SURF6: variants seen among roughly 807,000 people sequenced by gnomAD.
SURF6 encodes surfeit 6, also known as surfeit locus protein 6.
SURF6 carries 28 observed loss-of-function variants against 37.5 expected under a neutral mutation model. The observed-to-expected ratio is 0.75, with a 90% CI of 0.55 to 1.02. SURF6 has a LOEUF of 1.02. Among genes scored for constraint, SURF6 ranks in the 50% least tolerant of loss-of-function variants. The pLI is 0.00. For missense variants in SURF6, 560 were observed against 490.5 expected (o/e 1.14, Z -1.34); for synonymous variants, 248 against 210.9 (o/e 1.18, Z -1.52).
intron 2 of SURF6, 147 bp downstream of exon 2, chr9:133,334,245 C>T: frequency 1.4e-6 from 1 of 723,108 alleles, no homozygotes; most frequent in Non-Finnish European, 2.2e-6. Context: ...CACCCTAGCA[C>T]TCCTGTGATC....
chr9:133,334,689 A>C, intron 1 of SURF6, 88 bp from the exon 2 acceptor site: 1 of 1,466,572 alleles, frequency 6.8e-7, no homozygotes, highest in Non-Finnish European at 9.2e-7. Flanking sequence ...TGATCCCAGG[A>C]AGATGCCGAA....
In SURF6 at chr9:133,336,147, C is replaced by G. The variant is rs2129934671; in HGVS notation, c.-15G>C. ...AGAGAGGCCATGGCGGAGACCCGGGCCGTTCACGACTCACACCTTCCCCGC... is the reference window on the plus strand; with the variant it reads ...AGAGAGGCCATGGCGGAGACCCGGGGCGTTCACGACTCACACCTTCCCCGC... On this transcript the variant is annotated 5_prime_UTR_variant, in exon 1 of 5. Transcript: ENST00000372022. 1.2e-6 allele frequency: 2 copies of G among 1,606,000 alleles called. No homozygotes were observed. The highest frequency in any genetic ancestry group is 1.7e-5 in the Admixed American group (1 of 59,892).
Position 133,328,991 on chromosome 9 carries a change from G to C in SURF6, c.*2878C>G, listed in dbSNP as rs2119035728. The stretch of plus-strand genomic sequence containing the variant: ...AGACCGGTAGTGGCCCCGAATGTCT[G>C]GCTGCATTGTTATTTATTGGATACA... On this transcript the variant is annotated 3_prime_UTR_variant, in exon 5 of 5. Coordinates refer to ENST00000372022, the MANE Select transcript of SURF6 (RefSeq NM_006753.6). The C allele has an allele frequency of 6.5e-6, 1 of 154,648 alleles. No homozygotes were observed. The highest frequency in any genetic ancestry group is 6.5e-5 in the Admixed American group (1 of 15,308). The allele number at this position is 154,648 out of a possible 1,614,324, so 9.6% of individuals were successfully genotyped here. A position where few individuals can be genotyped will look rare whatever the true frequency, so the allele number is the denominator to read the frequency against.
rs2129918949 is a variant in SURF6, at chr9:133,332,549, T to G, written c.605A>C (p.Lys202Thr). ...CCCAAGGACCCAGCTCCCGCTCACC[T>G]TATTGAAGATCAGCCCGGGCGGCTC... ...PREPPGLIFN[K>T]VEVSEDEPAS... The change falls in exon 4 of 5, where the codon AAG becomes ACG. Residue 202 changes from lysine to threonine, a missense_variant and splice_region_variant. Coordinates refer to ENST00000372022, the MANE Select transcript of SURF6 (RefSeq NM_006753.6). The G allele has an allele frequency of 1.9e-6, 3 of 1,608,396 alleles. No homozygotes were observed. Among genetic ancestry groups the G allele is most frequent in the Admixed American group, 1.7e-5 (1 of 59,976 alleles).
chr9:133,334,696 CGAAAGAG>C, intron 1 of SURF6, 95 bp from the exon 2 acceptor site: 36 of 1,447,176 alleles, frequency 2.5e-5, no homozygotes, highest in Non-Finnish European at 3.2e-5. Flanking sequence ...AGGAAGATGC[CGAAAGAG>C]GATCAGGATC....
At chr9:133,335,763 C>T (rs1243445980) in intron 1 of SURF6, among the ~76,000 whole-genome samples, 1 of 151,626 alleles carries the variant, frequency 6.6e-6, no homozygotes, top group African/African-American at 2.4e-5. Flanking sequence ...GTAGTGCCGG[C>T]TACTCGGGAG....
At chr9:133,335,983 C>A (rs891014023) in intron 1 of SURF6, 56 bp downstream of exon 1, 1 of 1,489,414 alleles carries the variant, frequency 6.7e-7, no homozygotes, top group Non-Finnish European at 9.2e-7. Context: ...ACACCGGCTC[C>A]GGCCGCGTCC....
rs1030390648 is a variant in SURF6, at chr9:133,330,196, G to C, written c.*1673C>G. On this transcript the variant is annotated 3_prime_UTR_variant, in exon 5 of 5. Transcript: ENST00000372022. ...TTATCTGTAGATGCACATACATTTA[G>C]GGGCTATGTTTTTTTGTGCTGCTTT... 6.6e-6 allele frequency: 1 copy of C among 152,134 alleles called. No individual in the cohort carries two copies. The highest frequency in any genetic ancestry group is 6.5e-5 in the Admixed American group (1 of 15,276). 9.4% of individuals were successfully genotyped at this position (152,134 alleles called of 1,614,324 possible).
chr9:133,335,650 AGGGACTGAAAG>A (rs1260148214), intron 1 of SURF6, among the ~76,000 whole-genome samples: 2 of 151,560 alleles, frequency 1.3e-5, no homozygotes, highest in African/African-American at 4.9e-5. Flanking sequence ...CCCGTAGTGA[AGGGACTGAAAG>A]GGTCTTTTCC....
Position 133,332,593 on chromosome 9 carries a change from C to G in SURF6, c.561G>C (p.Gly187=). 1 of 1,610,084 alleles carries G rather than the reference C, an allele frequency of 6.2e-7. No homozygotes were observed. The highest frequency in any genetic ancestry group is 2.2e-5 in the East Asian group (1 of 44,872). The part of the protein sequence containing the change: ...AQEVVEATPE[G]ACTEPREPPG... ...GCGGCTCCCGCGGCTCCGTGCAGGCCCCCTCTGGGGTTGCCTCCACCACCT... is the reference window on the plus strand; with the variant it reads ...GCGGCTCCCGCGGCTCCGTGCAGGCGCCCTCTGGGGTTGCCTCCACCACCT... The change falls in exon 4 of 5, where the codon GGG becomes GGC. Residue 187 remains glycine (G), a synonymous_variant. Coordinates refer to ENST00000372022, the MANE Select transcript of SURF6 (RefSeq NM_006753.6).
Position 133,330,565 on chromosome 9 carries a change from A to C in SURF6, c.*1304T>G, listed in dbSNP as rs1230671894. 1 of 152,156 alleles carries C rather than the reference A, an allele frequency of 6.6e-6. No individual in the cohort carries two copies. Among genetic ancestry groups the C allele is most frequent in the Non-Finnish European group, 1.5e-5 (1 of 68,034 alleles). 9.4% of individuals were successfully genotyped at this position (152,156 alleles called of 1,614,324 possible). ...AATTTTAATACGTAGCATTTTCATT[A>C]TCCTTTAGTCCCAAATATTTCTAAT... On this transcript the variant is annotated 3_prime_UTR_variant, in exon 5 of 5. Transcript: ENST00000372022.
chr9:133,335,907 T>C (rs1835863555), intron 1 of SURF6, 132 bp downstream of exon 1: 2 of 729,738 alleles, frequency 2.7e-6, no homozygotes, highest in South Asian at 2.1e-5. Flanking sequence ...AAAAAACAAA[T>C]AAGGGAAACG....
At position 133,329,002 on chromosome 9, in the gene SURF6, T is replaced by A. The variant is rs1835653613; in HGVS notation, c.*2867A>T. The A allele has an allele frequency of 6.5e-6, 1 of 154,742 alleles. No homozygotes were observed. Among genetic ancestry groups the A allele is most frequent in the Admixed American group, 6.5e-5 (1 of 15,306 alleles). The allele number at this position is 154,742 out of a possible 1,614,324, so 9.6% of individuals were successfully genotyped here. On this transcript the variant is annotated 3_prime_UTR_variant, in exon 5 of 5. Coordinates refer to ENST00000372022, the MANE Select transcript of SURF6 (RefSeq NM_006753.6). ...GGCCCCGAATGTCTGGCTGCATTGT[T>A]ATTTATTGGATACAAAGCAAAAGGG...
In SURF6 at chr9:133,332,052, C is replaced by A; in HGVS notation, c.903G>T (p.Ala301=). Residue 301 remains alanine, a synonymous_variant, in exon 5 of 5, where the codon GCG becomes GCT. Transcript: ENST00000372022. ...EALKRKEKRR[A]QRQRRWEKRT... is the part of the protein sequence containing the mutation. ...GCTTCTCCCACCGGCGCTGCCGCTG[C>A]GCCCTGCGCTTCTCCTTGCGCTTCA... The A allele has an allele frequency of 6.2e-7, 1 of 1,604,648 alleles. No individual in the cohort carries two copies. The highest frequency in any genetic ancestry group is 8.5e-7 in the Non-Finnish European group (1 of 1,179,602).
intron 1 of SURF6, 21 bp downstream of exon 1, chr9:133,336,018 C>T (rs1271594654): frequency 1.2e-6 from 2 of 1,604,762 alleles, no homozygotes; most frequent in Non-Finnish European, 8.5e-7. Flanking sequence ...CCCTTAGTCC[C>T]GGCCCGGCCC....
chr9:133,331,941 C>A lies in SURF6; in HGVS notation c.1014G>T (p.Glu338Asp). The A allele has an allele frequency of 3.8e-6, 6 of 1,588,036 alleles. No homozygotes were observed. Among genetic ancestry groups the A allele is most frequent in the African/African-American group, 1.3e-5 (1 of 74,558 alleles). Residue 338 changes from glutamate (E) to aspartate (D), a missense_variant, in exon 5 of 5, where the codon GAG (glutamate) becomes GAT (aspartate). Transcript: ENST00000372022. ...NLRRKKAARA[E>D]RRLLRARKKG... ...TCTTGCGGGCTCTGAGCAGGCGGCG[C>A]TCGGCGCGGGCCGCCTTCTTCCTGC...
In SURF6 at chr9:133,332,023, G is replaced by T; in HGVS notation, c.932C>A (p.Thr311Lys). The T allele has an allele frequency of 1.2e-6, 2 of 1,601,276 alleles. No individual in the cohort carries two copies. Among genetic ancestry groups the T allele is most frequent in the Non-Finnish European group, 1.7e-6 (2 of 1,179,256 alleles). ...CTGCATCTTCTCCACCACGCCGGCCGTGCGCTTCTCCCACCGGCGCTGCCG... is the reference window on the plus strand; with the variant it reads ...CTGCATCTTCTCCACCACGCCGGCCTTGCGCTTCTCCCACCGGCGCTGCCG... ...AQRQRRWEKRTAGVVEKMQQR... is the reference protein window; with the variant it reads ...AQRQRRWEKRKAGVVEKMQQR... Residue 311 changes from threonine (T) to lysine (K), a missense_variant, in exon 5 of 5, where the codon ACG becomes AAG. Thr to Lys is a moderately conservative substitution (Grantham distance 78, BLOSUM62 -1). Coordinates refer to ENST00000372022, the MANE Select transcript of SURF6 (RefSeq NM_006753.6).
chr9:133,333,648 C>G, intron 3 of SURF6, 70 bp downstream of exon 3: 4 of 1,473,544 alleles, frequency 2.7e-6, no homozygotes, highest in Non-Finnish European at 3.8e-6. Flanking sequence ...TACGGCCCCT[C>G]GCTGACAGCT....
Position 133,331,917 on chromosome 9 carries a change from C to G in SURF6, c.1038G>C (p.Lys346Asn). ...GGTCCTGCGGCAGGATGCGGCCCTT[C>G]TTGCGGGCTCTGAGCAGGCGGCGCT... ...RAERRLLRAR[K>N]KGRILPQDLE... Residue 346 changes from lysine to asparagine, a missense_variant, in exon 5 of 5, where the codon AAG becomes AAC. By Grantham distance (94) the Lys-to-Asn change is moderately conservative. Coordinates refer to ENST00000372022, the MANE Select transcript of SURF6 (RefSeq NM_006753.6). 1 of 1,561,662 alleles carries G rather than the reference C, an allele frequency of 6.4e-7. No homozygotes were observed. The highest frequency in any genetic ancestry group is 8.6e-7 in the Non-Finnish European group (1 of 1,164,988).
Sources: allele counts gnomAD v4.1 joint callset (sites outside exome capture counted in the v4.1 genomes callset), GRCh38; gene constraint gnomAD v4.1.1; transcripts MANE v1.5; gene names NCBI Gene and HGNC (gene_info 2026-07-23, HGNC 2026-07-21).